The following GALNT13 variants were observed in gnomAD, a reference collection of about 807,000 sequenced individuals.
GALNT13 encodes the protein UDP-GalNAc:polypeptide N-acetylgalactosaminyltransferase 13.
GALNT13 carries 28 observed loss-of-function variants against 64.2 expected under a neutral mutation model. The ratio of observed to expected loss-of-function variants is 0.44; its 90% confidence interval spans 0.32 to 0.60. The LOEUF (loss-of-function observed/expected upper bound fraction) is 0.60, where lower values mean the gene tolerates loss of function less well. GALNT13 is among the 20% of genes least tolerant of loss of function. The probability of loss-of-function intolerance (pLI) is 0.05; values close to 1 mark genes in which losing one functional copy is unlikely to be tolerated. For synonymous variants in GALNT13, 214 were observed against 224.6 expected (o/e 0.95, Z 0.42); for missense variants, 577 against 669.8 (o/e 0.86, Z 1.53).
chr2:153,087,627 A>AT, the GALNT13 span, among the ~76,000 whole-genome samples: 9 of 151,746 alleles, frequency 5.9e-5, no homozygotes, highest in South Asian at 6.2e-4. Flanking sequence ...TCTATTGGCT[A>AT]TTTTTTTTAT....
At chr2:154,327,664 A>C (rs932990134) in intron 9 of GALNT13, among the ~76,000 whole-genome samples, 1 of 152,116 alleles carries the variant, frequency 6.6e-6, no homozygotes, top group African/African-American at 2.4e-5. Flanking sequence ...GACCTTAATC[A>C]ACAATATCAC....
intron 8 of GALNT13, 124 bp from the exon 9 acceptor site, chr2:154,301,284 AG>A: frequency 1.3e-6 from 1 of 761,882 alleles, no homozygotes; most frequent in Admixed American, 2.3e-5. Context: ...ATAGTGTACC[AG>A]TTCTAAATTT....
chr2:153,746,660 C>T, the GALNT13 span, among the ~76,000 whole-genome samples: 2 of 152,012 alleles, frequency 1.3e-5, no homozygotes, highest in African/African-American at 4.8e-5. Flanking sequence ...AATTTCTGGG[C>T]CGTAGGTTAT....
intron 2 of GALNT13, among the ~76,000 whole-genome samples, chr2:153,936,195 C>T (rs1690900950): frequency 6.6e-6 from 1 of 152,138 alleles, no homozygotes; most frequent in African/African-American, 2.4e-5. Flanking sequence ...AATAAAATCA[C>T]AGATAAAAAC....
At chr2:153,829,518 G>T in the GALNT13 span, among the ~76,000 whole-genome samples, 39 of 152,034 alleles carry the variant, frequency 2.6e-4, no homozygotes, top group African/African-American at 9.4e-4. Flanking sequence ...GCACAGAAAA[G>T]ACCTGCCCCC....
the GALNT13 span, among the ~76,000 whole-genome samples, chr2:153,123,671 A>G: frequency 6.6e-6 from 1 of 152,254 alleles, no homozygotes; most frequent in South Asian, 2.1e-4. Flanking sequence ...TATAATGATA[A>G]TAATGACTAA....
chr2:153,291,600 G>A, the GALNT13 span, among the ~76,000 whole-genome samples: 34 of 150,864 alleles, frequency 2.3e-4, no homozygotes, highest in African/African-American at 6.0e-4. Flanking sequence ...ACTGGAAGGC[G>A]GCTCCTGCTT....
At chr2:153,073,758 T>C in the GALNT13 span, among the ~76,000 whole-genome samples, 15 of 152,306 alleles carry the variant, frequency 9.8e-5, no homozygotes, top group East Asian at 2.9e-3. Context: ...TTGTGCACAT[T>C]TATTTTAAGG....
chr2:154,254,281 C>G (rs1275853969), intron 7 of GALNT13, among the ~76,000 whole-genome samples: 4 of 152,024 alleles, frequency 2.6e-5, no homozygotes, highest in African/African-American at 9.7e-5. Context: ...GTTGGGTAGC[C>G]CCATTGTTTA....
chr2:154,153,169 G>C (rs900922474), intron 4 of GALNT13, among the ~76,000 whole-genome samples: 1 of 152,190 alleles, frequency 6.6e-6, no homozygotes, highest in Non-Finnish European at 1.5e-5. Flanking sequence ...CTTAGCTGCA[G>C]GTCTGTTGGA....
intron 8 of GALNT13, among the ~76,000 whole-genome samples, chr2:154,273,863 G>A (rs1691489353): frequency 6.6e-6 from 1 of 151,800 alleles, no homozygotes; most frequent in Non-Finnish European, 1.5e-5. Context: ...TTTTCTAAGA[G>A]ATTATATTTT....
At chr2:153,877,143 A>G (rs1051444441) in intron 1 of GALNT13, among the ~76,000 whole-genome samples, 1 of 152,098 alleles carries the variant, frequency 6.6e-6, no homozygotes, top group Non-Finnish European at 1.5e-5. Context: ...CTTGTAGACT[A>G]TGTGAGAAAA....
chr2:153,338,066 G>A, the GALNT13 span, among the ~76,000 whole-genome samples: 1 of 152,112 alleles, frequency 6.6e-6, no homozygotes, highest in Non-Finnish European at 1.5e-5. Context: ...TACTTTGGGA[G>A]GATCACTTCA....
At chr2:153,638,402 A>G in the GALNT13 span, among the ~76,000 whole-genome samples, 1 of 152,220 alleles carries the variant, frequency 6.6e-6, no homozygotes, top group Non-Finnish European at 1.5e-5. Context: ...AAATCCAGGC[A>G]GGATTCACTG....
the GALNT13 span, among the ~76,000 whole-genome samples, chr2:153,455,444 A>G: frequency 2.0e-5 from 3 of 152,154 alleles, no homozygotes; most frequent in Non-Finnish European, 2.9e-5. Context: ...GAGTGCGGGA[A>G]CGAGTGAATG....
At chr2:153,493,846 A>T in the GALNT13 span, among the ~76,000 whole-genome samples, 2 of 151,974 alleles carry the variant, frequency 1.3e-5, no homozygotes, top group Non-Finnish European at 2.9e-5. Context: ...AAGAAAAAAA[A>T]ATCATAGTAG....
At chr2:153,186,175 CTCT>C in the GALNT13 span, among the ~76,000 whole-genome samples, 5 of 151,962 alleles carry the variant, frequency 3.3e-5, no homozygotes, top group African/African-American at 4.8e-5. Flanking sequence ...GGAGAGTTAG[CTCT>C]TCTTGTTGAA....
intron 2 of GALNT13, among the ~76,000 whole-genome samples, chr2:153,919,455 C>T (rs1418858425): frequency 6.6e-6 from 1 of 151,750 alleles, no homozygotes; most frequent in Admixed American, 6.6e-5. Flanking sequence ...TATATATAAA[C>T]AACAAAATGA....
At chr2:153,597,632 A>G in the GALNT13 span, among the ~76,000 whole-genome samples, 1 of 152,088 alleles carries the variant, frequency 6.6e-6, no homozygotes, top group Non-Finnish European at 1.5e-5. Flanking sequence ...AATAAATTAG[A>G]CTTTATCATA....
Sources: allele counts gnomAD v4.1 joint callset (sites outside exome capture counted in the v4.1 genomes callset), GRCh38; gene constraint gnomAD v4.1.1; transcripts MANE v1.5; gene names NCBI Gene and HGNC (gene_info 2026-07-23, HGNC 2026-07-21).